FBXO45: variants seen among roughly 807,000 people sequenced by gnomAD.
The protein encoded by FBXO45 is F-box protein 45.
Under a neutral mutation model 25.5 loss-of-function variants are expected in FBXO45, and 3 were observed. That is an observed-to-expected ratio of 0.12 (90% CI 0.05 to 0.30). The LOEUF is 0.30. FBXO45 is among the 10% of genes least tolerant of loss of function. FBXO45 has a pLI of 1.00. For missense variants in FBXO45, 219 were observed against 365.0 expected, an observed-to-expected ratio of 0.60 and a Z score of 3.26; for synonymous variants, 155 against 149.8, an observed-to-expected ratio of 1.03 and a Z score of -0.25.
At chr3:196,573,100 AT>A (rs537784343) in intron 1 of FBXO45, among the ~76,000 whole-genome samples, 10 of 150,862 alleles carry the variant, frequency 6.6e-5, no homozygotes, top group South Asian at 4.2e-4. Flanking sequence ...TTTTATTATT[AT>A]TTTTTTTTGT....
chr3:196,581,223 C>CTTTTTTTTTTTTTTCT (rs1736006095), intron 2 of FBXO45, among the ~76,000 whole-genome samples: 1 of 63,670 alleles, frequency 1.6e-5, no homozygotes, highest in Non-Finnish European at 2.7e-5. Flanking sequence ...TTTCTTTTTC[C>CTTTTTTTTTTTTTTCT]TTTTTTTTTT....
chr3:196,575,431 T>G (rs1271651449), intron 1 of FBXO45, among the ~76,000 whole-genome samples: 4 of 144,228 alleles, frequency 2.8e-5, no homozygotes, highest in Admixed American at 7.4e-5. Context: ...GCACTCCAGC[T>G]TGGGTGACAG....
Position 196,569,449 on chromosome 3 carries a change from C to CT in FBXO45, c.318+147_318+148insT. 1.5e-6 allele frequency: 1 copy of CT among 689,300 alleles called. No individual in the cohort carries two copies. The highest frequency in any genetic ancestry group is 2.3e-6 in the Non-Finnish European group (1 of 437,610). 42.7% of individuals were successfully genotyped at this position (689,300 alleles called of 1,614,324 possible). On this transcript the variant is annotated intron_variant, in intron 1 of 2. Transcript: ENST00000311630. This position sits in a 1 kb window ranked among gnomAD's most constrained non-coding sequence, Gnocchi z 4.1. ...CAGTCAGTATCTTCCTCACCTCCCC[C>CT]CAAGATAAAGATTCTCTTTTCTTTG...
In FBXO45 at chr3:196,585,263, C is replaced by A. The variant is rs1266385876; in HGVS notation, c.*945C>A. On this transcript the variant is annotated 3_prime_UTR_variant, in exon 3 of 3. Transcript: ENST00000311630. Reference sequence around the variant, plus strand: ...TTTTTGGCCTTCTAAGAAAGTGTCTCATAACACAGAACATTGCCATTTGCT... The same window carrying A: ...TTTTTGGCCTTCTAAGAAAGTGTCTAATAACACAGAACATTGCCATTTGCT... 6.6e-6 allele frequency: 1 copy of A among 152,126 alleles called. No individual in the cohort carries two copies. The highest frequency in any genetic ancestry group is 2.4e-5 in the African/African-American group (1 of 41,416). The allele number at this position is 152,126 out of a possible 1,614,324, so 9.4% of individuals were successfully genotyped here. A position where few individuals can be genotyped will look rare whatever the true frequency, so the allele number is the denominator to read the frequency against.
Position 196,568,999 on chromosome 3 carries a change from C to G in FBXO45, c.15C>G (p.Ala5=). Residue 5 remains alanine, a synonymous_variant, in exon 1 of 3, where the codon GCC becomes GCG. Coordinates refer to ENST00000311630, the MANE Select transcript of FBXO45 (RefSeq NM_001105573.2). ...CTGGTGAGGCGATGGCGGCGCCGGCCCCGGGGGCTGGGGCAGCCTCGGGCG... is the reference window on the plus strand; with the variant it reads ...CTGGTGAGGCGATGGCGGCGCCGGCGCCGGGGGCTGGGGCAGCCTCGGGCG... MAAP[A]PGAGAASGGA... is the part of the protein sequence containing the mutation. 1 of 993,570 alleles carries G rather than the reference C, an allele frequency of 1.0e-6. No individual in the cohort carries two copies. The highest frequency in any genetic ancestry group is 1.2e-6 in the Non-Finnish European group (1 of 836,292). The allele number at this position is 993,570 out of a possible 1,614,324, so 61.5% of individuals were successfully genotyped here.
intron 2 of FBXO45, among the ~76,000 whole-genome samples, chr3:196,581,490 A>C (rs761478183): frequency 1.3e-5 from 2 of 151,864 alleles, no homozygotes; most frequent in South Asian, 2.1e-4. Context: ...CGGCCTCCCA[A>C]AGTGAAAGTA....
intron 2 of FBXO45, among the ~76,000 whole-genome samples, chr3:196,581,223 C>CTTTTTTTTTTTTTTT (rs33962634): frequency 2.4e-4 from 15 of 63,676 alleles, no homozygotes; most frequent in African/African-American, 5.6e-4. Context: ...TTTCTTTTTC[C>CTTTTTTTTTTTTTTT]TTTTTTTTTT....
intron 1 of FBXO45, among the ~76,000 whole-genome samples, chr3:196,571,934 AG>A (rs1274210833): frequency 2.0e-5 from 3 of 152,202 alleles, no homozygotes; most frequent in African/African-American, 7.2e-5. Flanking sequence ...AGTCTAGTAG[AG>A]GAGAGAAAAA....
At chr3:196,582,375 T>A (rs1479179266) in intron 2 of FBXO45, among the ~76,000 whole-genome samples, 11 of 152,186 alleles carry the variant, frequency 7.2e-5, no homozygotes, top group Non-Finnish European at 1.5e-4. Context: ...GTGGTGATGA[T>A]GATTTGGAGG....
rs1736094651 is a variant in FBXO45 at position 196,585,795 on chromosome 3, A to G, written c.*1477A>G. On this transcript the variant is annotated 3_prime_UTR_variant, in exon 3 of 3. Coordinates refer to ENST00000311630, the MANE Select transcript of FBXO45 (RefSeq NM_001105573.2). ...ACATAAGAATTGACAAAAGCGAGCG[A>G]AATCTTTGTACTTCTGAGTTCTTGC... 2 of 152,240 alleles carry G rather than the reference A, an allele frequency of 1.3e-5. No individual in the cohort carries two copies. The highest frequency in any genetic ancestry group is 6.5e-5 in the Admixed American group (1 of 15,284). 9.4% of individuals were successfully genotyped at this position (152,240 alleles called of 1,614,324 possible). A position where few individuals can be genotyped will look rare whatever the true frequency, so the allele number is the denominator to read the frequency against.
In FBXO45 at chr3:196,569,109, G is replaced by A; in HGVS notation, c.125G>A (p.Arg42Gln). 1 of 1,509,054 alleles carries A rather than the reference G, an allele frequency of 6.6e-7. No homozygotes were observed. Among genetic ancestry groups the A allele is most frequent in the Non-Finnish European group, 8.9e-7 (1 of 1,121,732 alleles). 93.5% of individuals were successfully genotyped at this position (1,509,054 alleles called of 1,614,324 possible). ...AAGAGGRLPS[R>Q]VLELVFSYLE... is the part of the protein sequence containing the mutation. Reference sequence around the variant, plus strand: ...GGGGCCGGGGGCCGGCTGCCCAGCCGGGTGCTGGAGTTGGTGTTCTCTTAC... The same window carrying A: ...GGGGCCGGGGGCCGGCTGCCCAGCCAGGTGCTGGAGTTGGTGTTCTCTTAC... Residue 42 changes from arginine to glutamine, a missense_variant, in exon 1 of 3, where the codon CGG (arginine) becomes CAG (glutamine). By Grantham distance (43) the Arg-to-Gln change is conservative. Coordinates refer to ENST00000311630, the MANE Select transcript of FBXO45 (RefSeq NM_001105573.2). The surrounding 1 kb of genome is among the most constrained non-coding windows in gnomAD (Gnocchi z 4.1).
chr3:196,568,837 G>T lies in FBXO45; in HGVS notation c.-148G>T. 2.1e-6 allele frequency: 1 copy of T among 466,272 alleles called. No homozygotes were observed. Among genetic ancestry groups the T allele is most frequent in the Non-Finnish European group, 2.8e-6 (1 of 355,276 alleles). The allele number at this position is 466,272 out of a possible 1,614,324, so 28.9% of individuals were successfully genotyped here. A position where few individuals can be genotyped will look rare whatever the true frequency, so the allele number is the denominator to read the frequency against. On this transcript the variant is annotated 5_prime_UTR_variant, in exon 1 of 3. In the 5' UTR this introduces an upstream ATG that the reference lacks. Transcript: ENST00000311630. ...GGCGCGCGGCGGACGCCCCCGGGCA[G>T]GGGCGGGAGTGGTGGAGGCGCCGGC...
intron 1 of FBXO45, among the ~76,000 whole-genome samples, chr3:196,574,686 T>C (rs1446865193): frequency 6.6e-6 from 1 of 152,138 alleles, no homozygotes; most frequent in Non-Finnish European, 1.5e-5. Flanking sequence ...GACTCAGTGG[T>C]TAAAAGTGTG....
intron 1 of FBXO45, among the ~76,000 whole-genome samples, chr3:196,570,120 G>A (rs1735771142): frequency 6.6e-6 from 1 of 151,496 alleles, no homozygotes. Context: ...AATAAACAAA[G>A]GGTCTTGGTC....
intron 2 of FBXO45, among the ~76,000 whole-genome samples, chr3:196,578,789 A>G (rs1735960864): frequency 6.6e-6 from 1 of 151,778 alleles, no homozygotes; most frequent in Non-Finnish European, 1.5e-5. Flanking sequence ...ACATTATGAG[A>G]TTTTTTTGCA....
At chr3:196,577,858 CTTAAT>C in intron 2 of FBXO45, 49 bp downstream of exon 2, 1 of 1,203,442 alleles carries the variant, frequency 8.3e-7, no homozygotes, top group Non-Finnish European at 1.1e-6. Context: ...CAAATCACGC[CTTAAT>C]TTGTTTTAAA....
rs779580563 is a variant in FBXO45 at position 196,588,996 on chromosome 3, GTATCTT to G, written c.*4682_*4687del. On this transcript the variant is annotated 3_prime_UTR_variant, in exon 3 of 3. Coordinates refer to ENST00000311630, the MANE Select transcript of FBXO45 (RefSeq NM_001105573.2). This position sits in a 1 kb window ranked among gnomAD's most constrained non-coding sequence, Gnocchi z 4.2. ...TGTTTAGAATTTAAATTAGAATTCT[GTATCTT>G]TATTTTTTGGAATTCTGTTGTTTTG... is the stretch of plus-strand genomic sequence containing the variant. The G allele has an allele frequency of 6.6e-6, 1 of 152,128 alleles. No homozygotes were observed. Among genetic ancestry groups the G allele is most frequent in the Non-Finnish European group, 1.5e-5 (1 of 68,018 alleles). The allele number at this position is 152,128 out of a possible 1,614,324, so 9.4% of individuals were successfully genotyped here.
chr3:196,577,924 T>G, intron 2 of FBXO45, 115 bp downstream of exon 2: 1 of 613,092 alleles, frequency 1.6e-6, no homozygotes, highest in Non-Finnish European at 2.4e-6. Context: ...TTTTTATTTT[T>G]ATTATTTTTT....
intron 1 of FBXO45, among the ~76,000 whole-genome samples, chr3:196,571,494 G>T (rs1235233425): frequency 6.6e-6 from 1 of 152,164 alleles, no homozygotes; most frequent in Non-Finnish European, 1.5e-5. Context: ...CCAAAGTGCT[G>T]GGGTTACAGG....
Sources: gnomAD v4.1 joint callset for allele counts (sites outside exome capture counted in the v4.1 genomes callset) on GRCh38, gnomAD v4.1.1 for gene constraint, Gnocchi (gnomAD v3.1) non-coding constraint, MANE v1.5 for transcripts, NCBI Gene and HGNC (gene_info 2026-07-23, HGNC 2026-07-21) for gene names.